The following DCDC1 variants were observed in gnomAD, a reference collection of about 807,000 sequenced individuals.
DCDC1 encodes doublecortin domain-containing protein 1.
Under a neutral mutation model 178.3 loss-of-function variants are expected in DCDC1, and 200 were observed. The ratio of observed to expected loss-of-function variants is 1.12; its 90% CI spans 1.00 to 1.26. The LOEUF (loss-of-function observed/expected upper bound fraction) is 1.26. Among genes scored for constraint, DCDC1 ranks in the 50% most tolerant of loss-of-function variants. The probability of loss-of-function intolerance (pLI) is 0.00; values close to 1 mark genes in which losing one functional copy is unlikely to be tolerated. For synonymous variants in DCDC1, 690 were observed against 604.8 expected, an observed-to-expected ratio of 1.14 and a Z score of -2.07; for missense variants, 1,983 against 1,749.2, an observed-to-expected ratio of 1.13 and a Z score of -2.38.
intron 36 of DCDC1, among the ~76,000 whole-genome samples, chr11:30,886,952 T>G (rs1441357708): frequency 6.6e-6 from 1 of 152,048 alleles, no homozygotes; most frequent in Non-Finnish European, 1.5e-5. Context: ...TGTTTTCTAC[T>G]TACAAACAGA....
intron 1 of DCDC1, among the ~76,000 whole-genome samples, chr11:31,350,582 A>T (rs1951019890): frequency 6.6e-6 from 1 of 152,128 alleles, no homozygotes; most frequent in African/African-American, 2.4e-5. Flanking sequence ...AATTCATTTG[A>T]TAATTACATT....
intron 1 of DCDC1, among the ~76,000 whole-genome samples, chr11:31,347,218 C>T (rs1950860762): frequency 6.6e-6 from 1 of 152,170 alleles, no homozygotes; most frequent in Non-Finnish European, 1.5e-5. Context: ...CTTAGCTCTC[C>T]TGCATTTCCC....
Position 31,217,568 on chromosome 11 carries a change from T to C in DCDC1, c.1221+23882A>G, listed in dbSNP as rs560488373. Among the ~76,000 whole-genome samples, 8 of 152,240 alleles carry C rather than the reference T, an allele frequency of 5.3e-5. No homozygotes were observed. The South Asian group carries it at 1.7e-3, about 32-fold the overall frequency. On this transcript the variant is annotated intron_variant, in intron 9 of 38. Transcript: ENST00000684477. ...TAAGAAAAGATCCAAATGTTATCACTGGAAACTATCTTCTACAGAAAAACT... is the reference window on the plus strand; with the variant it reads ...TAAGAAAAGATCCAAATGTTATCACCGGAAACTATCTTCTACAGAAAAACT...
At chr11:31,228,721 C>T (rs1484267924) in intron 9 of DCDC1, among the ~76,000 whole-genome samples, 2 of 151,980 alleles carry the variant, frequency 1.3e-5, no homozygotes, top group Admixed American at 1.3e-4. Flanking sequence ...AAAGCAAATT[C>T]TATAGACTTC....
rs146713466 is a variant in DCDC1, at chr11:30,970,555, G to C, written c.2592-17987C>G. ...ACTGCTGCTGGCAGTTGCCACCAAG[G>C]CCAAAGCATGAGCCATTGGCAGTGA... On this transcript the variant is annotated intron_variant, in intron 20 of 38. Coordinates refer to ENST00000684477, the MANE Select transcript of DCDC1 (RefSeq NM_001387274.1). 2.6e-5 allele frequency among the ~76,000 whole-genome samples: 4 copies of C among 152,228 alleles called. No individual in the cohort carries two copies. The East Asian group carries it at 7.7e-4, about 29-fold the overall frequency.
chr11:31,012,038 T>C (rs1248180656), intron 20 of DCDC1, among the ~76,000 whole-genome samples: 1 of 152,104 alleles, frequency 6.6e-6, no homozygotes, highest in East Asian at 1.9e-4. Flanking sequence ...TGTTTAAAAG[T>C]GTGTAGCACC....
chr11:31,260,778 A>C (rs1944726838), intron 8 of DCDC1, among the ~76,000 whole-genome samples: 1 of 152,188 alleles, frequency 6.6e-6, no homozygotes, highest in African/African-American at 2.4e-5. Flanking sequence ...AGAGATCAAA[A>C]AGTTTGGAAA....
rs146748433 is a variant in DCDC1, at chr11:31,235,680, T to A, written c.1221+5770A>T. 3.8e-3 allele frequency among the ~76,000 whole-genome samples: 585 copies of A among 152,088 alleles called. 4 individuals are homozygous for A. Among genetic ancestry groups the A allele is most frequent in the African/African-American group, 0.014 (562 of 41,554 alleles). On this transcript the variant is annotated intron_variant, in intron 9 of 38. Coordinates refer to ENST00000684477, the MANE Select transcript of DCDC1 (RefSeq NM_001387274.1). ...ATAAAGATGGAGACATATTCCTAGA[T>A]GATCCCCAAATGGAATTCACTTTTC...
chr11:31,160,838 T>TA (rs1306181015), intron 9 of DCDC1, among the ~76,000 whole-genome samples: 2 of 152,190 alleles, frequency 1.3e-5, no homozygotes, highest in Non-Finnish European at 2.9e-5. Flanking sequence ...CCCATTTCCT[T>TA]ATGCTCTTGA....
chr11:31,229,666 A>T (rs1166389502), intron 9 of DCDC1, among the ~76,000 whole-genome samples: 2 of 152,162 alleles, frequency 1.3e-5, no homozygotes, highest in African/African-American at 4.8e-5. Flanking sequence ...CTCAGATATT[A>T]AGGGCCAATG....
chr11:30,873,342 TAC>T (rs55669027), intron 38 of DCDC1, among the ~76,000 whole-genome samples: 25,315 of 134,124 alleles, frequency 0.19, 2,630 homozygotes, highest in African/African-American at 0.33. Context: ...TGTGTGTATA[TAC>T]ATATATATAT....
At chr11:30,881,066 A>T in intron 37 of DCDC1, 92 bp downstream of exon 37, 1 of 1,406,998 alleles carries the variant, frequency 7.1e-7, no homozygotes, top group African/African-American at 1.4e-5. Context: ...TAATTATTAA[A>T]AATCATTGTG....
At chr11:31,319,423 T>G (rs1255909031) in intron 3 of DCDC1, among the ~76,000 whole-genome samples, 3 of 69,486 alleles carry the variant, frequency 4.3e-5, no homozygotes, top group African/African-American at 4.2e-4. Flanking sequence ...TGGCCTTGTC[T>G]CTTTTGATCT....
intron 20 of DCDC1, among the ~76,000 whole-genome samples, chr11:30,993,566 C>G (rs1205372070): frequency 6.6e-6 from 1 of 151,994 alleles, no homozygotes; most frequent in Non-Finnish European, 1.5e-5. Flanking sequence ...AAACCTCTAG[C>G]TAGACTGACA....
At chr11:31,129,333 C>G (rs909584851) in intron 10 of DCDC1, among the ~76,000 whole-genome samples, 2 of 152,042 alleles carry the variant, frequency 1.3e-5, no homozygotes, top group African/African-American at 4.8e-5. Flanking sequence ...TTTCCCATAT[C>G]CCTCTTATTT....
At chr11:31,005,971 A>C (rs7942507) in intron 20 of DCDC1, among the ~76,000 whole-genome samples, 20,758 of 146,054 alleles carry the variant, frequency 0.14, 1,721 homozygotes, top group African/African-American at 0.23. Context: ...AAAAAAAAAA[A>C]AAAAAAACTT....
rs80216154 is a variant in DCDC1 at position 31,337,892 on chromosome 11, G to A, written c.-124-2328C>T. Among the ~76,000 whole-genome samples the A allele has an allele frequency of 8.1e-3, 1,226 of 152,250 alleles. 23 individuals carry two copies. The highest frequency in any genetic ancestry group is 0.028 in the African/African-American group (1,173 of 41,532). On this transcript the variant is annotated intron_variant, in intron 1 of 38. Coordinates refer to ENST00000684477, the MANE Select transcript of DCDC1 (RefSeq NM_001387274.1). The stretch of plus-strand genomic sequence containing the variant: ...TATAGACTGGAAGTCTACTAATTTA[G>A]GGGAAGAGGAAGGAGCAGTGTTAAA...
chr11:31,213,028 C>T (rs1396838860), intron 9 of DCDC1, among the ~76,000 whole-genome samples: 1 of 151,308 alleles, frequency 6.6e-6, no homozygotes, highest in Non-Finnish European at 1.5e-5. Flanking sequence ...CTCACTTGCT[C>T]TTCCTTATTA....
chr11:31,276,513 A>C (rs897553202), intron 7 of DCDC1, among the ~76,000 whole-genome samples: 2 of 152,112 alleles, frequency 1.3e-5, no homozygotes, highest in Non-Finnish European at 2.9e-5. Flanking sequence ...CAAATAGTTT[A>C]TGAATTTTCC....
Sources: allele counts gnomAD v4.1 joint callset (sites outside exome capture counted in the v4.1 genomes callset), GRCh38; gene constraint gnomAD v4.1.1; transcripts MANE v1.5; gene names NCBI Gene and HGNC (gene_info 2026-07-23, HGNC 2026-07-21).